Variants in MEGF8 observed in about 807,000 individuals in gnomAD.
MEGF8 encodes the protein multiple epidermal growth factor-like domains protein 8.
MEGF8 carries 156 observed loss-of-function variants against 302.9 expected under a neutral mutation model. That is an observed-to-expected ratio of 0.52 (90% CI 0.45 to 0.59). The LOEUF is 0.59. Ranked by LOEUF, MEGF8 falls within the 20% of genes least tolerant of loss-of-function variation. MEGF8 has a pLI of 0.00. For missense variants in MEGF8, 3,345 were observed against 3,964.5 expected, an observed-to-expected ratio of 0.84 and a Z score of 4.20; for synonymous variants, 1,621 against 1,660.5, an observed-to-expected ratio of 0.98 and a Z score of 0.58.
rs2039400940 is a variant in MEGF8, at chr19:42,353,125, A to G, written c.3548A>G (p.Gln1183Arg). 1.9e-6 allele frequency: 3 copies of G among 1,543,668 alleles called. No individual in the cohort carries two copies. The highest frequency in any genetic ancestry group is 2.0e-5 in the Admixed American group (1 of 49,806). Residue 1183 changes from glutamine (Q) to arginine (R), a missense_variant and splice_region_variant, in exon 20 of 42, where the codon CAG becomes CGG. Physicochemically the swap from Gln to Arg is conservative, Grantham distance 43. Transcript: ENST00000251268. The surrounding 1 kb of genome is among the most constrained non-coding windows in gnomAD (Gnocchi z 6.1). ...KRGPGFCDEC[Q>R]DWTWGEHCER... ...GGCCCTGGCTTCTGCGACGAGTGCC[A>G]GGGTAAGCAGCCCTTGTCCTGGGCC...
intron 35 of MEGF8, among the ~76,000 whole-genome samples, chr19:42,365,461 T>G (rs1219214906): frequency 6.6e-6 from 1 of 151,986 alleles, no homozygotes; most frequent in African/African-American, 2.4e-5. Flanking sequence ...CTATGAAACC[T>G]CCTAGCTTTA....
rs146090125 is a variant in MEGF8 at position 42,369,884 on chromosome 19, G to A, written c.6834+161G>A. Among the ~76,000 whole-genome samples the A allele has an allele frequency of 2.0e-5, 3 of 152,194 alleles. No individual in the cohort carries two copies. The highest frequency in any genetic ancestry group is 7.2e-5 in the African/African-American group (3 of 41,522). On this transcript the variant is annotated intron_variant, in intron 38 of 41. Transcript: ENST00000251268. This position sits in a 1 kb window ranked among gnomAD's most constrained non-coding sequence, Gnocchi z 5.7. ...GGAGATGTGTGGAGACTTGGGGGAC[G>A]CTGCCTGGGTTTGGATCCCAGAGGG... is the stretch of plus-strand genomic sequence containing the variant.
intron 31 of MEGF8, among the ~76,000 whole-genome samples, chr19:42,359,573 T>A (rs1231091427): frequency 1.3e-5 from 2 of 152,210 alleles, no homozygotes; most frequent in Non-Finnish European, 2.9e-5. Context: ...TGTTCATAGG[T>A]AGAAGCATGC....
rs917223870 is a variant in MEGF8, at chr19:42,341,140, CAG to C, written c.1514-2335_1514-2334del. 3.3e-5 allele frequency among the ~76,000 whole-genome samples: 5 copies of C among 152,140 alleles called. No homozygotes were observed. In the East Asian group the frequency reaches 9.7e-4, roughly 29 times the overall value. Reference sequence around the variant, plus strand: ...GCTACCCTTCCCAGCTAATTAAAAACAGAATTTTTGGCCAGGCACTGTGGCTC... The same window carrying C: ...GCTACCCTTCCCAGCTAATTAAAAACAATTTTTGGCCAGGCACTGTGGCTC... On this transcript the variant is annotated intron_variant, in intron 8 of 41. Transcript: ENST00000251268.
chr19:42,350,497 C>G, intron 15 of MEGF8, 113 bp downstream of exon 15: 1 of 968,428 alleles, frequency 1.0e-6, no homozygotes. Flanking sequence ...GGGCTTTTGG[C>G]CTTGATCTGC....
In MEGF8 at chr19:42,357,462, G is replaced by A; in HGVS notation, c.4889G>A (p.Gly1630Asp). ...VAGHTLTARR[G>D]LSLLLVGGYS... ...GGTCACACCCTTACTGCCCGCCGAG[G>A]CCTGTCTCTGCTCCTGGTGGGCGGT... Residue 1630 changes from glycine to aspartate, a missense_variant, in exon 28 of 42, where the codon GGC becomes GAC. By Grantham distance (94) the Gly-to-Asp change is moderately conservative. Coordinates refer to ENST00000251268, the MANE Select transcript of MEGF8 (RefSeq NM_001271938.2). This position sits in a 1 kb window ranked among gnomAD's most constrained non-coding sequence, Gnocchi z 5.2. The A allele has an allele frequency of 6.2e-7, 1 of 1,613,782 alleles. No individual in the cohort carries two copies.
rs757880105 is a variant in MEGF8, at chr19:42,355,837, G to T, written c.4224G>T (p.Gly1408=). The change falls in exon 24 of 42, where the codon GGG becomes GGT. Residue 1408 remains glycine (G), a synonymous_variant. Coordinates refer to ENST00000251268, the MANE Select transcript of MEGF8 (RefSeq NM_001271938.2). ...CTTCGGTGGGCTCTGCCCGCTGTGGGTCAGGGGGCCCCGGGAGCTGTCCCG... is the reference window on the plus strand; with the variant it reads ...CTTCGGTGGGCTCTGCCCGCTGTGGTTCAGGGGGCCCCGGGAGCTGTCCCG... ...FNASVGSARC[G]SGGPGSCPVP... 1.9e-6 allele frequency: 3 copies of T among 1,569,726 alleles called. No individual in the cohort carries two copies. The highest frequency in any genetic ancestry group is 2.4e-5 in the East Asian group (1 of 42,458).
At chr19:42,338,188 C>A (rs1189320004) in intron 8 of MEGF8, among the ~76,000 whole-genome samples, 1 of 151,380 alleles carries the variant, frequency 6.6e-6, no homozygotes, top group Non-Finnish European at 1.5e-5. Flanking sequence ...ATTTGGTGTA[C>A]TGATTATTTC....
intron 31 of MEGF8, among the ~76,000 whole-genome samples, chr19:42,359,912 C>G (rs1475377580): frequency 1.5e-5 from 2 of 130,334 alleles, no homozygotes; most frequent in African/African-American, 5.9e-5. Context: ...CCACGCTGGT[C>G]TTGAACTCCT....
rs1224353477 is a variant in MEGF8 at position 42,357,843 on chromosome 19, G to A, written c.5011+259G>A. On this transcript the variant is annotated intron_variant, in intron 28 of 41. Transcript: ENST00000251268. The surrounding 1 kb of genome is among the most constrained non-coding windows in gnomAD (Gnocchi z 5.2). ...AGGGTCTGAGCTCCCTGCTTCTCAAGGGTTCTTCCTCGATCACACCTCCTT... is the reference window on the plus strand; with the variant it reads ...AGGGTCTGAGCTCCCTGCTTCTCAAAGGTTCTTCCTCGATCACACCTCCTT... Among the ~76,000 whole-genome samples the A allele has an allele frequency of 6.6e-6, 1 of 152,132 alleles. No individual in the cohort carries two copies. The highest frequency in any genetic ancestry group is 1.5e-5 in the Non-Finnish European group (1 of 68,008).
rs924373929 is a variant in MEGF8, at chr19:42,356,246, C to T, written c.4503+53C>T. The T allele has an allele frequency of 1.8e-5, 28 of 1,521,028 alleles. No individual in the cohort carries two copies. The African/African-American group carries it at 3.2e-4, about 17-fold the overall frequency. 94.2% of individuals were successfully genotyped at this position (1,521,028 alleles called of 1,614,324 possible). A position where few individuals can be genotyped will look rare whatever the true frequency, so the allele number is the denominator to read the frequency against. ...GATGGTTGCTCCCAGGTCGTTCTCC[C>T]ACCTCCATTCCTGGGACCACCCCTA... On this transcript the variant is annotated intron_variant, in intron 25 of 41. Transcript: ENST00000251268. The surrounding 1 kb of genome is among the most constrained non-coding windows in gnomAD (Gnocchi z 5.2).
rs1064796651 is a variant in MEGF8, at chr19:42,336,181, C to T, written c.1079C>T (p.Ser360Phe). The T allele has an allele frequency of 4.3e-6, 7 of 1,610,934 alleles. No homozygotes were observed. In the Admixed American group the frequency reaches 8.3e-5, roughly 19 times the overall value. ...SGGRTPHDLF[S>F]SGLFRFRLDS... The stretch of plus-strand genomic sequence containing the variant: ...GGCCGCACCCCGCACGACCTCTTCT[C>T]CTCTGGCCTCTTCCGTTTCCGCCTT... Residue 360 changes from serine to phenylalanine, a missense_variant, in exon 6 of 42, where the codon TCC becomes TTC. Transcript: ENST00000251268. The surrounding 1 kb of genome is among the most constrained non-coding windows in gnomAD (Gnocchi z 4.8).
Position 42,353,270 on chromosome 19 carries a change from A to G in MEGF8, c.3550+143A>G. On this transcript the variant is annotated intron_variant, in intron 20 of 41. Coordinates refer to ENST00000251268, the MANE Select transcript of MEGF8 (RefSeq NM_001271938.2). This position sits in a 1 kb window ranked among gnomAD's most constrained non-coding sequence, Gnocchi z 6.1. ...CTGCCCCATTCCTGTTCCTGACTCA[A>G]ACAGGTTTCAGTGCCACCCGTCACT... 9.6e-7 allele frequency: 1 copy of G among 1,044,568 alleles called. No individual in the cohort carries two copies. The highest frequency in any genetic ancestry group is 1.7e-5 in the South Asian group (1 of 59,952). 64.7% of individuals were successfully genotyped at this position (1,044,568 alleles called of 1,614,324 possible). A position where few individuals can be genotyped will look rare whatever the true frequency, so the allele number is the denominator to read the frequency against.
chr19:42,326,149 A>T lies in MEGF8; in HGVS notation c.-95A>T, dbSNP rs1289818991. On this transcript the variant is annotated 5_prime_UTR_variant, in exon 1 of 42. It removes the in-frame stop codon of an upstream open reading frame in the 5' UTR. Transcript: ENST00000251268. ...ATCTACAAGGTCATGTTATGCCTAT[A>T]GAGGTCGCATTTGCAGGGCCTCACC... 2.1e-6 allele frequency: 3 copies of T among 1,398,144 alleles called. No individual in the cohort carries two copies. The highest frequency in any genetic ancestry group is 1.9e-6 in the Non-Finnish European group (2 of 1,080,142). 86.6% of individuals were successfully genotyped at this position (1,398,144 alleles called of 1,614,324 possible). A position where few individuals can be genotyped will look rare whatever the true frequency, so the allele number is the denominator to read the frequency against.
intron 12 of MEGF8, among the ~76,000 whole-genome samples, chr19:42,348,070 C>G (rs2039315685): frequency 6.6e-6 from 1 of 152,148 alleles, no homozygotes; most frequent in Non-Finnish European, 1.5e-5. Context: ...GCTCTGGGAC[C>G]CTGTCGTCTA....
chr19:42,358,467 T>C lies in MEGF8; in HGVS notation c.5175+160T>C, dbSNP rs1340364410. Among the ~76,000 whole-genome samples the C allele has an allele frequency of 6.6e-6, 1 of 152,100 alleles. No individual in the cohort carries two copies. Among genetic ancestry groups the C allele is most frequent in the Admixed American group, 6.5e-5 (1 of 15,270 alleles). On this transcript the variant is annotated intron_variant, in intron 29 of 41. Coordinates refer to ENST00000251268, the MANE Select transcript of MEGF8 (RefSeq NM_001271938.2). This position sits in a 1 kb window ranked among gnomAD's most constrained non-coding sequence, Gnocchi z 4.4. Reference sequence around the variant, plus strand: ...CCCACATCTCCCCCGCTTCCATCCCTGATTTGGAGGAGAGAACCCGAGGCC... The same window carrying C: ...CCCACATCTCCCCCGCTTCCATCCCCGATTTGGAGGAGAGAACCCGAGGCC...
intron 33 of MEGF8, 45 bp from the exon 34 acceptor site, chr19:42,362,339 A>C: frequency 6.2e-7 from 1 of 1,612,680 alleles, no homozygotes; most frequent in Non-Finnish European, 8.5e-7. Context: ...CAGCTGGCTC[A>C]GGAGGGGTGC....
In MEGF8 at chr19:42,359,105, C is replaced by G. The variant is rs1297229430; in HGVS notation, c.5351C>G (p.Pro1784Arg). Residue 1784 changes from proline (P) to arginine (R), a missense_variant, in exon 31 of 42, where the codon CCC becomes CGC. Physicochemically the swap from Pro to Arg is moderately radical, Grantham distance 103. Coordinates refer to ENST00000251268, the MANE Select transcript of MEGF8 (RefSeq NM_001271938.2). ...CCCCCGTCTCCCCAACAGCCCCGCC[C>G]CCGGCTTTTCCACGCCTCAGCCCTG... ...EISPHLKEPRPRLFHASALLG... is the reference protein window; with the variant it reads ...EISPHLKEPRRRLFHASALLG... The G allele has an allele frequency of 6.5e-7, 1 of 1,533,680 alleles. No homozygotes were observed. Among genetic ancestry groups the G allele is most frequent in the Non-Finnish European group, 8.8e-7 (1 of 1,140,018 alleles).
intron 1 of MEGF8, 30 bp downstream of exon 1, chr19:42,326,460 A>T: frequency 1.3e-6 from 2 of 1,499,372 alleles, no homozygotes; most frequent in Non-Finnish European, 1.8e-6. Context: ...TCACTCACTA[A>T]TTCGCTGGTA....
Sources: gnomAD v4.1 joint callset for allele counts (sites outside exome capture counted in the v4.1 genomes callset) on GRCh38, gnomAD v4.1.1 for gene constraint, Gnocchi (gnomAD v3.1) non-coding constraint, MANE v1.5 for transcripts, NCBI Gene and HGNC (gene_info 2026-07-23, HGNC 2026-07-21) for gene names.